ZRANB3: variants seen among roughly 807,000 people sequenced by gnomAD.
The protein encoded by ZRANB3 is DNA annealing helicase and endonuclease ZRANB3.
In ZRANB3, 125 loss-of-function variants were observed where a neutral mutation model predicts 133.8. The ratio of observed to expected loss-of-function variants is 0.93; its 90% CI spans 0.81 to 1.08. ZRANB3 has a LOEUF of 1.08. ZRANB3 is among the 50% of genes least tolerant of loss of function. The probability of loss-of-function intolerance (pLI) is 0.00; values close to 1 mark genes in which losing one functional copy is unlikely to be tolerated. For missense variants in ZRANB3, 1,229 were observed against 1,275.5 expected, an observed-to-expected ratio of 0.96 and a Z score of 0.56; for synonymous variants, 387 against 432.7, an observed-to-expected ratio of 0.89 and a Z score of 1.31.
intron 2 of ZRANB3, among the ~76,000 whole-genome samples, chr2:135,421,736 G>C (rs1688850505): frequency 6.6e-6 from 1 of 152,022 alleles, no homozygotes; most frequent in African/African-American, 2.4e-5. Context: ...CAAGTGACCT[G>C]ATCATTAGTT....
chr2:135,400,939 T>C (rs1687705992), intron 2 of ZRANB3, among the ~76,000 whole-genome samples: 1 of 152,214 alleles, frequency 6.6e-6, no homozygotes. Flanking sequence ...GTTAAGTCAT[T>C]TAGATTAAAT....
intron 8 of ZRANB3, among the ~76,000 whole-genome samples, chr2:135,307,221 A>T (rs1393440380): frequency 6.6e-6 from 1 of 151,858 alleles, no homozygotes; most frequent in Admixed American, 6.6e-5. Flanking sequence ...GTGTACCATC[A>T]CACTGAGCTA....
intron 1 of ZRANB3, among the ~76,000 whole-genome samples, chr2:135,508,850 G>T (rs1169624473): frequency 6.6e-6 from 1 of 151,936 alleles, no homozygotes; most frequent in African/African-American, 2.4e-5. Flanking sequence ...AATAAAAGAA[G>T]ATGCACATTT....
intron 14 of ZRANB3, among the ~76,000 whole-genome samples, chr2:135,225,804 G>T (rs1340551559): frequency 1.3e-5 from 2 of 152,142 alleles, no homozygotes; most frequent in African/African-American, 4.8e-5. Context: ...TATCACTGGA[G>T]GAATAACCAA....
chr2:135,275,105 C>T (rs1256120576), intron 9 of ZRANB3, among the ~76,000 whole-genome samples: 11 of 152,180 alleles, frequency 7.2e-5, no homozygotes, highest in African/African-American at 2.4e-4. Flanking sequence ...AAACCGCCAT[C>T]GTCATCATGG....
intron 2 of ZRANB3, among the ~76,000 whole-genome samples, chr2:135,415,103 T>A (rs1315080727): frequency 7.5e-6 from 1 of 133,428 alleles, no homozygotes; most frequent in Non-Finnish European, 1.6e-5. Flanking sequence ...ATAACTAAAA[T>A]CAGAGCAGAA....
At chr2:135,373,653 T>C (rs577870071) in intron 3 of ZRANB3, among the ~76,000 whole-genome samples, 3 of 151,556 alleles carry the variant, frequency 2.0e-5, no homozygotes, top group African/African-American at 4.8e-5. Context: ...CTGGGTGTAA[T>C]GGTGCATGCC....
intron 2 of ZRANB3, among the ~76,000 whole-genome samples, chr2:135,490,629 C>T (rs1282445940): frequency 6.6e-6 from 1 of 152,176 alleles, no homozygotes; most frequent in African/African-American, 2.4e-5. Flanking sequence ...AATGATCCAG[C>T]AATTCCACTA....
At chr2:135,320,336 A>C (rs916373822) in intron 6 of ZRANB3, among the ~76,000 whole-genome samples, 2 of 152,238 alleles carry the variant, frequency 1.3e-5, no homozygotes, top group Admixed American at 1.3e-4. Flanking sequence ...TAAATGAATA[A>C]GAAAAATATG....
chr2:135,402,412 A>G (rs1046552440), intron 2 of ZRANB3, among the ~76,000 whole-genome samples: 6 of 150,442 alleles, frequency 4.0e-5, no homozygotes, highest in African/African-American at 1.5e-4. Context: ...CTCCTGCCTC[A>G]GTCTCCCGAG....
chr2:135,332,152 G>C (rs1573925713), intron 6 of ZRANB3, among the ~76,000 whole-genome samples: 1 of 152,186 alleles, frequency 6.6e-6, no homozygotes, highest in South Asian at 2.1e-4. Context: ...TAGTATAGTA[G>C]AATTATGGTA....
intron 12 of ZRANB3, chr2:135,238,715 C>A (rs1023817382): frequency 5.3e-5 from 8 of 152,334 alleles, no homozygotes; most frequent in Admixed American, 3.9e-4. Context: ...ATGGCTTCAA[C>A]TTGGCTGGCC....
chr2:135,300,006 C>T (rs1176515820), intron 8 of ZRANB3, among the ~76,000 whole-genome samples: 3 of 152,036 alleles, frequency 2.0e-5, no homozygotes, highest in Non-Finnish European at 4.4e-5. Context: ...GTTTGGAAGG[C>T]TTTAGGCATA....
chr2:135,289,656 A>G (rs1215598901), intron 8 of ZRANB3, among the ~76,000 whole-genome samples: 2 of 152,208 alleles, frequency 1.3e-5, no homozygotes, highest in Non-Finnish European at 2.9e-5. Flanking sequence ...TAATCCTAGC[A>G]TTTCGGGAGG....
rs574676348 is a variant in ZRANB3 at position 135,348,514 on chromosome 2, A to T, written c.591+1470T>A. Among the ~76,000 whole-genome samples the T allele has an allele frequency of 3.9e-5, 6 of 152,244 alleles. No individual in the cohort carries two copies. The East Asian group carries it at 9.7e-4, about 25-fold the overall frequency. On this transcript the variant is annotated intron_variant, in intron 5 of 20. Transcript: ENST00000264159. ...ATGTAAGAGCCACTGTTGTACTGTT[A>T]ATGTTCTATTTCTTATGCTCGATTA...
chr2:135,353,247 C>A, intron 4 of ZRANB3: 1 of 304,474 alleles, frequency 3.3e-6, no homozygotes. Flanking sequence ...TAAAAATATA[C>A]CATAAAGGAA....
chr2:135,486,178 A>G (rs1404074352), intron 2 of ZRANB3, among the ~76,000 whole-genome samples: 3 of 152,222 alleles, frequency 2.0e-5, no homozygotes, highest in African/African-American at 7.2e-5. Context: ...TTCATGAAAG[A>G]TTTCTTGAAG....
intron 2 of ZRANB3, among the ~76,000 whole-genome samples, chr2:135,419,131 G>T (rs921524173): frequency 1.6e-4 from 24 of 151,228 alleles, no homozygotes; most frequent in African/African-American, 5.8e-4. Flanking sequence ...TAGAGATGGG[G>T]TTTCACCATG....
intron 12 of ZRANB3, among the ~76,000 whole-genome samples, chr2:135,243,388 C>T (rs1408536173): frequency 6.6e-6 from 1 of 152,202 alleles, no homozygotes; most frequent in Non-Finnish European, 1.5e-5. Flanking sequence ...GCGTTGGCGC[C>T]TGTAATCCCA....
Sources: gnomAD v4.1 joint callset for allele counts (sites outside exome capture counted in the v4.1 genomes callset) on GRCh38, gnomAD v4.1.1 for gene constraint, MANE v1.5 for transcripts, NCBI Gene and HGNC (gene_info 2026-07-23, HGNC 2026-07-21) for gene names.